MAP3K4: variants seen among roughly 807,000 people sequenced by gnomAD.
The protein encoded by MAP3K4 is mitogen-activated protein kinase kinase kinase 4, also known as MAP three kinase 1.
MAP3K4 carries 67 observed loss-of-function variants against 185.6 expected under a neutral mutation model. The ratio of observed to expected loss-of-function variants is 0.36; its 90% CI spans 0.30 to 0.44. The LOEUF is 0.44. MAP3K4 is among the 20% of genes least tolerant of loss of function. The pLI is 1.00. For synonymous variants in MAP3K4, 702 were observed against 710.4 expected, an observed-to-expected ratio of 0.99 and a Z score of 0.19; for missense variants, 1,551 against 1,995.1, an observed-to-expected ratio of 0.78 and a Z score of 4.24.
In MAP3K4 at chr6:161,017,150, A is replaced by T. The variant is rs1001516958; in HGVS notation, c.153-17109A>T. ...AGTTTAACCAACATTATATTAAATT[A>T]TAAGGAAATGTTTAGGTTCTATACA... On this transcript the variant is annotated intron_variant, in intron 1 of 26. Transcript: ENST00000392142. This position sits in a 1 kb window ranked among gnomAD's most constrained non-coding sequence, Gnocchi z 5.1. Among the ~76,000 whole-genome samples the T allele has an allele frequency of 1.3e-5, 2 of 152,214 alleles. No homozygotes were observed. Among genetic ancestry groups the T allele is most frequent in the African/African-American group, 4.8e-5 (2 of 41,462 alleles).
intron 2 of MAP3K4, among the ~76,000 whole-genome samples, chr6:161,042,445 G>A (rs1333319717): frequency 3.9e-5 from 6 of 152,268 alleles, no homozygotes; most frequent in East Asian, 1.9e-4. Flanking sequence ...AGGTAAACTC[G>A]AGTGAACTCA....
rs1256163730 is a variant in MAP3K4, at chr6:161,007,116, G to A, written c.152+15033G>A. On this transcript the variant is annotated intron_variant, in intron 1 of 26. Coordinates refer to ENST00000392142, the MANE Select transcript of MAP3K4 (RefSeq NM_005922.4). This position sits in a 1 kb window ranked among gnomAD's most constrained non-coding sequence, Gnocchi z 4.5. ...CGCAGGACCAGGAATTGTACTCATT[G>A]TTGTGTCCCCAGGTCACAGACCAGA... is the stretch of plus-strand genomic sequence containing the variant. 6.6e-6 allele frequency among the ~76,000 whole-genome samples: 1 copy of A among 152,192 alleles called. No individual in the cohort carries two copies. The highest frequency in any genetic ancestry group is 1.9e-4 in the East Asian group (1 of 5,200).
At chr6:161,044,828 GGA>G (rs1783648169) in intron 2 of MAP3K4, among the ~76,000 whole-genome samples, 1 of 152,164 alleles carries the variant, frequency 6.6e-6, no homozygotes, top group Non-Finnish European at 1.5e-5. Context: ...CATGTCACAT[GGA>G]GAGAGAGGGA....
In MAP3K4 at chr6:161,103,636, A is replaced by C. The variant is rs564796709; in HGVS notation, c.3856+857A>C. On this transcript the variant is annotated intron_variant, in intron 19 of 26. Coordinates refer to ENST00000392142, the MANE Select transcript of MAP3K4 (RefSeq NM_005922.4). The surrounding 1 kb of genome is among the most constrained non-coding windows in gnomAD (Gnocchi z 4.6). Reference sequence around the variant, plus strand: ...ATGGACAGCCATCAGTGACTGCCTAAGTAATGAAGGCTTTGCCCAGAGGTG... The same window carrying C: ...ATGGACAGCCATCAGTGACTGCCTACGTAATGAAGGCTTTGCCCAGAGGTG... 6.6e-6 allele frequency among the ~76,000 whole-genome samples: 1 copy of C among 152,320 alleles called. No homozygotes were observed. Among genetic ancestry groups the C allele is most frequent in the African/African-American group, 2.4e-5 (1 of 41,580 alleles).
Position 161,109,101 on chromosome 6 carries a change from A to G in MAP3K4, c.4236+242A>G, listed in dbSNP as rs77650131. 2,675 of 1,198,820 alleles carry G rather than the reference A, an allele frequency of 2.2e-3. 49 individuals are homozygous for G. The African/African-American group carries it at 0.037, about 16-fold the overall frequency. The allele number at this position is 1,198,820 out of a possible 1,614,324, so 74.3% of individuals were successfully genotyped here. A position where few individuals can be genotyped will look rare whatever the true frequency, so the allele number is the denominator to read the frequency against. On this transcript the variant is annotated intron_variant, in intron 22 of 26. Transcript: ENST00000392142. This position sits in a 1 kb window ranked among gnomAD's most constrained non-coding sequence, Gnocchi z 5.7. Reference sequence around the variant, plus strand: ...ATAAAGCACTGAAACCCATCCTGCCATTCAGAAGATTCTTCTAAAACGCCC... The same window carrying G: ...ATAAAGCACTGAAACCCATCCTGCCGTTCAGAAGATTCTTCTAAAACGCCC...
At position 161,084,625 on chromosome 6, in the gene MAP3K4, T is replaced by TTG. The variant is rs1785610239; in HGVS notation, c.2372+11_2372+12dup. 2.8e-6 allele frequency: 4 copies of TTG among 1,448,968 alleles called. No homozygotes were observed. In the East Asian group the frequency reaches 9.1e-5, roughly 33 times the overall value. 89.8% of individuals were successfully genotyped at this position (1,448,968 alleles called of 1,614,324 possible). A position where few individuals can be genotyped will look rare whatever the true frequency, so the allele number is the denominator to read the frequency against. ...TGCTTCCGACGAAATCAGGTTGGAGTTGTGCTTCCTTTCCCCTTCCACTTC... is the reference window on the plus strand; with the variant it reads ...TGCTTCCGACGAAATCAGGTTGGAGTTGTGTGCTTCCTTTCCCCTTCCACTTC... On this transcript the variant is annotated intron_variant, in intron 7 of 26. Coordinates refer to ENST00000392142, the MANE Select transcript of MAP3K4 (RefSeq NM_005922.4). This position sits in a 1 kb window ranked among gnomAD's most constrained non-coding sequence, Gnocchi z 4.6.
rs183939741 is a variant in MAP3K4 at position 161,035,682 on chromosome 6, A to G, written c.343+1233A>G. 5.3e-5 allele frequency among the ~76,000 whole-genome samples: 8 copies of G among 152,320 alleles called. No homozygotes were observed. In the East Asian group the frequency reaches 1.4e-3, roughly 26 times the overall value. On this transcript the variant is annotated intron_variant, in intron 2 of 26. Transcript: ENST00000392142. ...TGTCATCTTGAAAATCATTTATTGT[A>G]CATTTTCTCAAAGAAATTTCTCAAA...
intron 25 of MAP3K4, among the ~76,000 whole-genome samples, chr6:161,113,269 A>G (rs1778431423): frequency 6.6e-6 from 1 of 152,252 alleles, no homozygotes; most frequent in Non-Finnish European, 1.5e-5. Context: ...GAAAGATGCC[A>G]GTCTAAAAAG....
chr6:161,065,018 C>T (rs535695454), intron 3 of MAP3K4, among the ~76,000 whole-genome samples: 57 of 152,268 alleles, frequency 3.7e-4, no homozygotes, highest in Non-Finnish European at 2.9e-5. Flanking sequence ...GAGGTAGTCA[C>T]AGTGCTGTGT....
chr6:161,039,579 G>T (rs952880640), intron 2 of MAP3K4, among the ~76,000 whole-genome samples: 2 of 152,160 alleles, frequency 1.3e-5, no homozygotes, highest in Admixed American at 6.5e-5. Flanking sequence ...TTGACTCATT[G>T]AAATTATTTG....
chr6:161,063,332 G>A lies in MAP3K4; in HGVS notation c.1708-7276G>A, dbSNP rs146040594. On this transcript the variant is annotated intron_variant, in intron 3 of 26. Coordinates refer to ENST00000392142, the MANE Select transcript of MAP3K4 (RefSeq NM_005922.4). This position sits in a 1 kb window ranked among gnomAD's most constrained non-coding sequence, Gnocchi z 5.4. ...TAGTGGACATATCTTTCTGGCAAGC[G>A]CTCACTGTCTGGAGGGTTATTCTCC... Among the ~76,000 whole-genome samples, 9 of 152,060 alleles carry A rather than the reference G, an allele frequency of 5.9e-5. No homozygotes were observed. The East Asian group carries it at 9.7e-4, about 16-fold the overall frequency.
intron 1 of MAP3K4, among the ~76,000 whole-genome samples, chr6:160,992,843 C>T (rs1472719816): frequency 6.6e-6 from 1 of 151,912 alleles, no homozygotes; most frequent in Non-Finnish European, 1.5e-5. Flanking sequence ...AGAGAACAAA[C>T]TCACCATAAC....
At position 161,048,344 on chromosome 6, in the gene MAP3K4, A is replaced by G. The variant is rs891828191; in HGVS notation, c.344-272A>G. 1 of 628,160 alleles carries G rather than the reference A, an allele frequency of 1.6e-6. No individual in the cohort carries two copies. Among genetic ancestry groups the G allele is most frequent in the African/African-American group, 1.8e-5 (1 of 55,550 alleles). 38.9% of individuals were successfully genotyped at this position (628,160 alleles called of 1,614,324 possible). A position where few individuals can be genotyped will look rare whatever the true frequency, so the allele number is the denominator to read the frequency against. On this transcript the variant is annotated intron_variant, in intron 2 of 26. Coordinates refer to ENST00000392142, the MANE Select transcript of MAP3K4 (RefSeq NM_005922.4). The surrounding 1 kb of genome is among the most constrained non-coding windows in gnomAD (Gnocchi z 4.7). ...TGATTTGATAACTATGCTTTGTAGCATAGAGAGAAATAAACAGCTAGTTTA... is the reference window on the plus strand; with the variant it reads ...TGATTTGATAACTATGCTTTGTAGCGTAGAGAGAAATAAACAGCTAGTTTA...
At chr6:161,059,911 G>A (rs963252529) in intron 3 of MAP3K4, among the ~76,000 whole-genome samples, 15 of 151,468 alleles carry the variant, frequency 9.9e-5, no homozygotes, top group African/African-American at 3.4e-4. Context: ...ATCCTGTAGG[G>A]TCTGAATTTT....
intron 2 of MAP3K4, among the ~76,000 whole-genome samples, chr6:161,038,263 G>A (rs747631074): frequency 3.9e-5 from 6 of 152,188 alleles, no homozygotes; most frequent in Non-Finnish European, 7.3e-5. Context: ...CACACAGGAG[G>A]CAGTATTGAG....
chr6:161,013,555 T>C (rs629016), intron 1 of MAP3K4, among the ~76,000 whole-genome samples: 140,635 of 152,016 alleles, frequency 0.93, 65,323 homozygotes, highest in Non-Finnish European at 0.94. Context: ...GCAGGGCAGG[T>C]GAGCCCAAAA....
Position 161,098,446 on chromosome 6 carries a change from T to C in MAP3K4, c.3674+19T>C, listed in dbSNP as rs750279524. ...ATACCAGGTAGTCTCACCCCACCAG[T>C]GTCCCGTACCCTCACCACCCCTTAC... On this transcript the variant is annotated intron_variant, in intron 17 of 26. Coordinates refer to ENST00000392142, the MANE Select transcript of MAP3K4 (RefSeq NM_005922.4). The surrounding 1 kb of genome is among the most constrained non-coding windows in gnomAD (Gnocchi z 4.4). 6.2e-7 allele frequency: 1 copy of C among 1,607,252 alleles called. No individual in the cohort carries two copies. Among genetic ancestry groups the C allele is most frequent in the African/African-American group, 1.3e-5 (1 of 74,858 alleles).
chr6:161,106,772 T>C lies in MAP3K4; in HGVS notation c.4048+67T>C, dbSNP rs1778093072. Reference sequence around the variant, plus strand: ...AGAAGTAGCAATAGTTATACTTCTTTAGGTTGAATCCTATAGAGTTGGCCC... The same window carrying C: ...AGAAGTAGCAATAGTTATACTTCTTCAGGTTGAATCCTATAGAGTTGGCCC... On this transcript the variant is annotated intron_variant, in intron 20 of 26. Transcript: ENST00000392142. The surrounding 1 kb of genome is among the most constrained non-coding windows in gnomAD (Gnocchi z 4.9). The C allele has an allele frequency of 5.2e-6, 7 of 1,342,256 alleles. No individual in the cohort carries two copies. Among genetic ancestry groups the C allele is most frequent in the Non-Finnish European group, 7.2e-6 (7 of 972,654 alleles). The allele number at this position is 1,342,256 out of a possible 1,614,324, so 83.1% of individuals were successfully genotyped here. A position where few individuals can be genotyped will look rare whatever the true frequency, so the allele number is the denominator to read the frequency against.
chr6:161,002,448 T>C (rs1419137666), intron 1 of MAP3K4, among the ~76,000 whole-genome samples: 1 of 152,126 alleles, frequency 6.6e-6, no homozygotes, highest in African/African-American at 2.4e-5. Flanking sequence ...GTGAGTGAAA[T>C]CTTCTCGCTT....
Sources: allele counts gnomAD v4.1 joint callset (sites outside exome capture counted in the v4.1 genomes callset), GRCh38; gene constraint gnomAD v4.1.1; non-coding constraint Gnocchi (gnomAD v3.1); transcripts MANE v1.5; gene names NCBI Gene and HGNC (gene_info 2026-07-23, HGNC 2026-07-21).